The following DENND11 variants were observed in gnomAD, a reference collection of about 807,000 sequenced individuals.
DENND11 encodes the protein DENN domain-containing protein 11.
A neutral mutation model predicts 49.2 loss-of-function variants in DENND11; 34 were observed. The observed-to-expected ratio is 0.69, with a 90% CI of 0.53 to 0.92. The LOEUF (loss-of-function observed/expected upper bound fraction) is 0.92, where lower values mean the gene tolerates loss of function less well. Among genes scored for constraint, DENND11 ranks in the 40% least tolerant of loss-of-function variants. The pLI is 0.00. For missense variants in DENND11, 475 were observed against 581.6 expected, an observed-to-expected ratio of 0.82 and a Z score of 1.88; for synonymous variants, 238 against 230.3, an observed-to-expected ratio of 1.03 and a Z score of -0.30.
intron 4 of DENND11, among the ~76,000 whole-genome samples, chr7:141,669,483 T>C (rs1587206312): frequency 3.0e-5 from 2 of 66,388 alleles, no homozygotes; most frequent in African/African-American, 6.4e-5. Flanking sequence ...CCTGATCTCA[T>C]GATCCACCTG....
intron 3 of DENND11, among the ~76,000 whole-genome samples, chr7:141,674,796 T>G (rs1211798768): frequency 6.6e-6 from 1 of 152,160 alleles, no homozygotes; most frequent in Non-Finnish European, 1.5e-5. Context: ...CAGAATCTCT[T>G]CTCTGCCCGC....
In DENND11 at chr7:141,674,065, A is replaced by T. The variant is rs779579495; in HGVS notation, c.681+2T>A. On this transcript the variant is annotated splice_donor_variant, in intron 4 of 8. Transcript: ENST00000536163. LOFTEE classifies it high-confidence loss of function. ...GTGTAAGAAAAGCAGGGCTAACCTCACCTTCATCTCAGGGTACATGTATCG... is the reference window on the plus strand; with the variant it reads ...GTGTAAGAAAAGCAGGGCTAACCTCTCCTTCATCTCAGGGTACATGTATCG... The T allele has an allele frequency of 6.2e-7, 1 of 1,605,132 alleles. No individual in the cohort carries two copies. The highest frequency in any genetic ancestry group is 1.1e-5 in the South Asian group (1 of 88,748).
At position 141,657,805 on chromosome 7, in the gene DENND11, C is replaced by G. The variant is rs1797721438; in HGVS notation, c.*4851G>C. 1 of 152,638 alleles carries G rather than the reference C, an allele frequency of 6.6e-6. No homozygotes were observed. Among genetic ancestry groups the G allele is most frequent in the Non-Finnish European group, 1.5e-5 (1 of 68,048 alleles). The allele number at this position is 152,638 out of a possible 1,614,324, so 9.5% of individuals were successfully genotyped here. A position where few individuals can be genotyped will look rare whatever the true frequency, so the allele number is the denominator to read the frequency against. Reference sequence around the variant, plus strand: ...GCACTAGAAAATTCTTATTCCCCTTCTAAATTTGCAATTTCATCCAACTGC... The same window carrying G: ...GCACTAGAAAATTCTTATTCCCCTTGTAAATTTGCAATTTCATCCAACTGC... On this transcript the variant is annotated 3_prime_UTR_variant, in exon 9 of 9. Coordinates refer to ENST00000536163, the MANE Select transcript of DENND11 (RefSeq NM_001080392.2).
chr7:141,683,661 C>CAA (rs1798184882), intron 3 of DENND11, among the ~76,000 whole-genome samples: 2 of 151,432 alleles, frequency 1.3e-5, no homozygotes, highest in Non-Finnish European at 2.9e-5. Flanking sequence ...AAAACAACAA[C>CAA]AACAAAACAA....
intron 4 of DENND11, among the ~76,000 whole-genome samples, chr7:141,666,710 T>A (rs1308840367): frequency 1.3e-5 from 2 of 152,098 alleles, no homozygotes; most frequent in Non-Finnish European, 2.9e-5. Flanking sequence ...AATTTAAATT[T>A]AAAAAAACCA....
At chr7:141,699,080 C>T (rs376668298) in intron 1 of DENND11, among the ~76,000 whole-genome samples, 2 of 152,144 alleles carry the variant, frequency 1.3e-5, no homozygotes, top group South Asian at 2.1e-4. Context: ...AGACAAATCA[C>T]ACCTATGTAA....
chr7:141,675,421 G>A (rs1263041792), intron 3 of DENND11, among the ~76,000 whole-genome samples: 1 of 152,168 alleles, frequency 6.6e-6, no homozygotes, highest in Non-Finnish European at 1.5e-5. Flanking sequence ...CCCCGGAAAA[G>A]CCCTAATTGA....
Position 141,659,630 on chromosome 7 carries a change from T to C in DENND11, c.*3026A>G, listed in dbSNP as rs1481565513. 1 of 152,338 alleles carries C rather than the reference T, an allele frequency of 6.6e-6. No individual in the cohort carries two copies. Among genetic ancestry groups the C allele is most frequent in the Non-Finnish European group, 1.5e-5 (1 of 68,144 alleles). The allele number at this position is 152,338 out of a possible 1,614,324, so 9.4% of individuals were successfully genotyped here. On this transcript the variant is annotated 3_prime_UTR_variant, in exon 9 of 9. Transcript: ENST00000536163. ...GAACAACAGGGCAGCCCAGCCAGCATCTCAGGTCAGCAATCATTTCCAAAC... is the reference window on the plus strand; with the variant it reads ...GAACAACAGGGCAGCCCAGCCAGCACCTCAGGTCAGCAATCATTTCCAAAC...
In DENND11 at chr7:141,659,124, A is replaced by G. The variant is rs1389869928; in HGVS notation, c.*3532T>C. ...ACAAAACAAGGTAAGTTATAGATGC[A>G]AGTTCCTAAGCTAAATTACTTCTAT... On this transcript the variant is annotated 3_prime_UTR_variant, in exon 9 of 9. Coordinates refer to ENST00000536163, the MANE Select transcript of DENND11 (RefSeq NM_001080392.2). 1 of 152,244 alleles carries G rather than the reference A, an allele frequency of 6.6e-6. No individual in the cohort carries two copies. The highest frequency in any genetic ancestry group is 2.4e-5 in the African/African-American group (1 of 41,464). 9.4% of individuals were successfully genotyped at this position (152,244 alleles called of 1,614,324 possible).
At chr7:141,699,111 A>T (rs891882283) in intron 1 of DENND11, among the ~76,000 whole-genome samples, 1 of 152,150 alleles carries the variant, frequency 6.6e-6, no homozygotes, top group Admixed American at 6.5e-5. Context: ...AATATGCTCT[A>T]ATTTTGGTAA....
chr7:141,679,840 A>G (rs1287502884), intron 3 of DENND11, among the ~76,000 whole-genome samples: 3 of 152,234 alleles, frequency 2.0e-5, no homozygotes, highest in Non-Finnish European at 2.9e-5. Flanking sequence ...AACCTCACTT[A>G]TAAGAAAAAT....
At chr7:141,665,625 TTCCCCCTTCTGCCTG>T (rs369214777) in intron 5 of DENND11, among the ~76,000 whole-genome samples, 1,714 of 152,240 alleles carry the variant, frequency 0.011, 27 homozygotes, top group African/African-American at 0.039. Context: ...TGTCTTCCGG[TTCCCCCTTCTGCCTG>T]TCCCTCCCTA....
At chr7:141,681,541 G>A (rs1798146286) in intron 3 of DENND11, among the ~76,000 whole-genome samples, 1 of 152,084 alleles carries the variant, frequency 6.6e-6, no homozygotes, top group Non-Finnish European at 1.5e-5. Context: ...TGAAAATGAG[G>A]GAGAAAGGGA....
intron 6 of DENND11, 31 bp from the exon 7 acceptor site, chr7:141,665,085 C>T: frequency 6.2e-7 from 1 of 1,610,480 alleles, no homozygotes; most frequent in Non-Finnish European, 8.5e-7. Flanking sequence ...GAGGTGGGAA[C>T]CCACCCGACC....
At chr7:141,675,557 T>G (rs1339707192) in intron 3 of DENND11, among the ~76,000 whole-genome samples, 1 of 152,164 alleles carries the variant, frequency 6.6e-6, no homozygotes, top group African/African-American at 2.4e-5. Flanking sequence ...CATCCCTAAT[T>G]ATGGTTGGCC....
In DENND11 at chr7:141,675,661, G is replaced by A. The variant is rs140485722; in HGVS notation, c.528-1441C>T. ...CTTACCCCAAACTATGACACAAACT[G>A]TTGAGTCAAGATTTTCATCAACCAA... On this transcript the variant is annotated intron_variant, in intron 3 of 8. Coordinates refer to ENST00000536163, the MANE Select transcript of DENND11 (RefSeq NM_001080392.2). Among the ~76,000 whole-genome samples, 14 of 152,148 alleles carry A rather than the reference G, an allele frequency of 9.2e-5. No homozygotes were observed. The East Asian group carries it at 2.3e-3, about 25-fold the overall frequency.
chr7:141,661,640 C>T lies in DENND11; in HGVS notation c.*1016G>A, dbSNP rs1326629855. On this transcript the variant is annotated 3_prime_UTR_variant, in exon 9 of 9. Coordinates refer to ENST00000536163, the MANE Select transcript of DENND11 (RefSeq NM_001080392.2). ...ATCATGCTCCACCCTCTGAGTTAACCAGCTCAGATCCTTGCTAGATTTTGG... is the reference window on the plus strand; with the variant it reads ...ATCATGCTCCACCCTCTGAGTTAACTAGCTCAGATCCTTGCTAGATTTTGG... 1 of 152,196 alleles carries T rather than the reference C, an allele frequency of 6.6e-6. No individual in the cohort carries two copies. Among genetic ancestry groups the T allele is most frequent in the Non-Finnish European group, 1.5e-5 (1 of 68,040 alleles). 9.4% of individuals were successfully genotyped at this position (152,196 alleles called of 1,614,324 possible).
intron 1 of DENND11, among the ~76,000 whole-genome samples, chr7:141,695,969 C>A (rs1798405429): frequency 6.6e-6 from 1 of 152,232 alleles, no homozygotes; most frequent in Admixed American, 6.5e-5. Context: ...TGGAGCACAA[C>A]TTGGCAGCAC....
rs1435549121 is a variant in DENND11, at chr7:141,658,712, G to C, written c.*3944C>G. The C allele has an allele frequency of 6.6e-6, 1 of 152,002 alleles. No homozygotes were observed. The highest frequency in any genetic ancestry group is 1.5e-5 in the Non-Finnish European group (1 of 68,034). 9.4% of individuals were successfully genotyped at this position (152,002 alleles called of 1,614,324 possible). A position where few individuals can be genotyped will look rare whatever the true frequency, so the allele number is the denominator to read the frequency against. ...TTGACCTATACAGGGTCTGGAGAAA[G>C]CATCTCAATCCATTCCCTGGGCTAT... is the stretch of plus-strand genomic sequence containing the variant. On this transcript the variant is annotated 3_prime_UTR_variant, in exon 9 of 9. Transcript: ENST00000536163.
Sources: gnomAD v4.1 joint callset for allele counts (sites outside exome capture counted in the v4.1 genomes callset) on GRCh38, gnomAD v4.1.1 for gene constraint, MANE v1.5 for transcripts, NCBI Gene and HGNC (gene_info 2026-07-23, HGNC 2026-07-21) for gene names.